Variants in ALDOC observed in about 807,000 individuals in gnomAD.
The protein encoded by ALDOC is aldolase, fructose-bisphosphate C, also known as fructose-bisphosphate aldolase C.
In ALDOC, 23 loss-of-function variants were observed where a neutral mutation model predicts 39.5. The ratio of observed to expected loss-of-function variants is 0.58; its 90% CI spans 0.42 to 0.82. The LOEUF is 0.82. Ranked by LOEUF, ALDOC falls within the 40% of genes least tolerant of loss-of-function variation. The probability of loss-of-function intolerance (pLI) is 0.00; values close to 1 mark genes in which losing one functional copy is unlikely to be tolerated. For synonymous variants in ALDOC, 160 were observed against 182.6 expected (o/e 0.88, Z 1.00); for missense variants, 356 against 479.1 (o/e 0.74, Z 2.40).
At chr17:28,574,334 G>A in intron 6 of ALDOC, 93 bp from the exon 7 acceptor site, 1 of 1,454,408 alleles carries the variant, frequency 6.9e-7, no homozygotes, top group East Asian at 2.3e-5. Flanking sequence ...GGCACAGACT[G>A]TGAGGGCTCA....
At chr17:28,576,536 G>A (rs1449352255) in intron 1 of ALDOC, 1 of 151,478 alleles carries the variant, frequency 6.6e-6, no homozygotes, top group Non-Finnish European at 1.5e-5. Context: ...GCTCTGGGTA[G>A]GAGAGACAGA....
chr17:28,575,758 T>G lies in ALDOC; in HGVS notation c.-12-214A>C. 3 of 676,170 alleles carry G rather than the reference T, an allele frequency of 4.4e-6. No individual in the cohort carries two copies. Among genetic ancestry groups the G allele is most frequent in the East Asian group, 3.3e-5 (1 of 30,762 alleles). The allele number at this position is 676,170 out of a possible 1,614,324, so 41.9% of individuals were successfully genotyped here. On this transcript the variant is annotated intron_variant, in intron 1 of 8. Coordinates refer to ENST00000226253, the MANE Select transcript of ALDOC (RefSeq NM_005165.3). The surrounding 1 kb of genome is among the most constrained non-coding windows in gnomAD (Gnocchi z 4.3). ...CTCCTTTTGTCCCTGGTAGGCATCC[T>G]TCCCAGCCCTGGGGAAAGATGCAGG...
At position 28,575,469 on chromosome 17, in the gene ALDOC, G is replaced by T. The variant is rs140001292; in HGVS notation, c.64C>A (p.Arg22=). The part of the protein sequence containing the change: ...QKKELSDIAL[R]IVAPGKGILA... ...ATGCCTTTGCCCGGGGCTACAATCC[G>T]CAGGGCAATGTCAGACAACTCCTTC... is the stretch of plus-strand genomic sequence containing the variant. Residue 22 remains arginine (R), a synonymous_variant, in exon 2 of 9, where the codon CGG becomes AGG. Transcript: ENST00000226253. This position sits in a 1 kb window ranked among gnomAD's most constrained non-coding sequence, Gnocchi z 4.3. The T allele has an allele frequency of 5.0e-6, 8 of 1,614,228 alleles. No individual in the cohort carries two copies. The highest frequency in any genetic ancestry group is 2.7e-5 in the African/African-American group (2 of 75,056).
rs1434551135 is a variant in ALDOC, at chr17:28,575,842, C to G, written c.-12-298G>C. 1.7e-6 allele frequency: 1 copy of G among 579,854 alleles called. No individual in the cohort carries two copies. The highest frequency in any genetic ancestry group is 2.5e-6 in the Non-Finnish European group (1 of 394,056). 35.9% of individuals were successfully genotyped at this position (579,854 alleles called of 1,614,324 possible). On this transcript the variant is annotated intron_variant, in intron 1 of 8. Coordinates refer to ENST00000226253, the MANE Select transcript of ALDOC (RefSeq NM_005165.3). This position sits in a 1 kb window ranked among gnomAD's most constrained non-coding sequence, Gnocchi z 4.3. ...CAGCTCTTCTGATAAATCTGCTGCC[C>G]AATCAAGGATGCCAACCCTTCTTTC...
chr17:28,575,727 C>A lies in ALDOC; in HGVS notation c.-12-183G>T. On this transcript the variant is annotated intron_variant, in intron 1 of 8. Coordinates refer to ENST00000226253, the MANE Select transcript of ALDOC (RefSeq NM_005165.3). This position sits in a 1 kb window ranked among gnomAD's most constrained non-coding sequence, Gnocchi z 4.3. Reference sequence around the variant, plus strand: ...GCTAGCAAGCTTAGGGCTCCAGTTCCCACATCTCCTTTTGTCCCTGGTAGG... The same window carrying A: ...GCTAGCAAGCTTAGGGCTCCAGTTCACACATCTCCTTTTGTCCCTGGTAGG... 1.3e-6 allele frequency: 1 copy of A among 782,960 alleles called. No homozygotes were observed. Among genetic ancestry groups the A allele is most frequent in the Non-Finnish European group, 2.0e-6 (1 of 509,966 alleles). The allele number at this position is 782,960 out of a possible 1,614,324, so 48.5% of individuals were successfully genotyped here.
At position 28,575,764 on chromosome 17, in the gene ALDOC, G is replaced by A; in HGVS notation, c.-12-220C>T. 1.5e-6 allele frequency: 1 copy of A among 679,026 alleles called. No homozygotes were observed. Among genetic ancestry groups the A allele is most frequent in the African/African-American group, 1.8e-5 (1 of 55,290 alleles). 42.1% of individuals were successfully genotyped at this position (679,026 alleles called of 1,614,324 possible). ...TTGTCCCTGGTAGGCATCCTTCCCA[G>A]CCCTGGGGAAAGATGCAGGGTGGGG... On this transcript the variant is annotated intron_variant, in intron 1 of 8. Coordinates refer to ENST00000226253, the MANE Select transcript of ALDOC (RefSeq NM_005165.3). This position sits in a 1 kb window ranked among gnomAD's most constrained non-coding sequence, Gnocchi z 4.3.
Position 28,574,579 on chromosome 17 carries a change from T to A in ALDOC, c.541-2A>T. 1 of 1,614,140 alleles carries A rather than the reference T, an allele frequency of 6.2e-7. No homozygotes were observed. Among genetic ancestry groups the A allele is most frequent in the Non-Finnish European group, 8.5e-7 (1 of 1,180,000 alleles). ...TTCCACAATAGGCACAATGCCATTC[T>A]GCAGGCAAGAGCAGAGATGCTTGGG... is the stretch of plus-strand genomic sequence containing the variant. On this transcript the variant is annotated splice_acceptor_variant, in intron 5 of 8. Transcript: ENST00000226253. LOFTEE classifies it high-confidence loss of function.
Position 28,573,855 on chromosome 17 carries a change from G to A in ALDOC, c.879C>T (p.Pro293=), listed in dbSNP as rs2070455816. 1.2e-6 allele frequency: 2 copies of A among 1,614,118 alleles called. No homozygotes were observed. The highest frequency in any genetic ancestry group is 1.1e-5 in the South Asian group (1 of 91,090). Residue 293 remains proline, a synonymous_variant, in exon 8 of 9, where the codon CCC becomes CCT. Transcript: ENST00000226253. This position sits in a 1 kb window ranked among gnomAD's most constrained non-coding sequence, Gnocchi z 4.3. ...AGGAGAAGGTAAGCGCCCAGGGTCG[G>A]GGAAGGGGGCAGCGGTTGATGGCAT... ...NLNAINRCPL[P]RPWALTFSYG...
At position 28,574,121 on chromosome 17, in the gene ALDOC, TCTC is replaced by T; in HGVS notation, c.742_744del (p.Glu248del). 1 of 1,608,494 alleles carries T rather than the reference TCTC, an allele frequency of 6.2e-7. No homozygotes were observed. The highest frequency in any genetic ancestry group is 8.5e-7 in the Non-Finnish European group (1 of 1,177,182). On this transcript the variant is annotated inframe_deletion, in exon 7 of 9. Transcript: ENST00000226253. ...AGGGCAGTGACAGTTGCCATGGCAA[TCTC>T]CTCTGGGGTATACTTGATGGGACAG... is the stretch of plus-strand genomic sequence containing the variant.
chr17:28,576,631 CAGAAG>C (rs1350111986), intron 1 of ALDOC, among the ~76,000 whole-genome samples, 165 bp downstream of exon 1: 1 of 150,966 alleles, frequency 6.6e-6, no homozygotes, highest in Non-Finnish European at 1.5e-5. Flanking sequence ...AGGGATAGAA[CAGAAG>C]AGGTTGAGCC....
Position 28,574,158 on chromosome 17 carries a change from C to G in ALDOC, c.708G>C (p.Pro236=). ...TATACTTGATGGGACAGGCATGGCC[C>G]GGGGTCACCATGTTGGGCTTGAGCA... ...GTLLKPNMVT[P]GHACPIKYTP... Residue 236 remains proline, a synonymous_variant, in exon 7 of 9, where the codon CCG becomes CCC. Coordinates refer to ENST00000226253, the MANE Select transcript of ALDOC (RefSeq NM_005165.3). The G allele has an allele frequency of 1.2e-6, 2 of 1,612,154 alleles. No individual in the cohort carries two copies. The highest frequency in any genetic ancestry group is 1.7e-6 in the Non-Finnish European group (2 of 1,178,994).
intron 1 of ALDOC, 71 bp downstream of exon 1, chr17:28,576,730 G>C: frequency 1.1e-6 from 1 of 946,824 alleles, no homozygotes; most frequent in Non-Finnish European, 1.3e-6. Context: ...GTAGCAGGAC[G>C]AGGATGGCAG....
chr17:28,573,800 T>C lies in ALDOC; in HGVS notation c.934A>G (p.Asn312Asp). The change falls in exon 8 of 9, where the codon AAT (asparagine) becomes GAT (aspartate). Residue 312 changes from asparagine to aspartate, a missense_variant. By Grantham distance (23) the Asn-to-Asp change is conservative. Transcript: ENST00000226253. This position sits in a 1 kb window ranked among gnomAD's most constrained non-coding sequence, Gnocchi z 4.3. ...TTGTCCCGTTGCCCTCGCCAGGCAT[T>C]GAGTGCAGAGGCTTGCAGGGCACGC... Reference protein sequence around the residue: ...YGRALQASALNAWRGQRDNAG... With the variant: ...YGRALQASALDAWRGQRDNAG... 1 of 1,614,152 alleles carries C rather than the reference T, an allele frequency of 6.2e-7. No homozygotes were observed. The highest frequency in any genetic ancestry group is 8.5e-7 in the Non-Finnish European group (1 of 1,180,016).
chr17:28,574,920 C>G, intron 4 of ALDOC, 32 bp downstream of exon 4: 1 of 1,614,196 alleles, frequency 6.2e-7, no homozygotes, highest in Non-Finnish European at 8.5e-7. Flanking sequence ...TATCTAACAC[C>G]TCTTTGGTCC....
chr17:28,573,973 C>T lies in ALDOC; in HGVS notation c.800-39G>A, dbSNP rs2070457369. 8 of 1,612,608 alleles carry T rather than the reference C, an allele frequency of 5.0e-6. No homozygotes were observed. In the East Asian group the frequency reaches 1.6e-4, roughly 31 times the overall value. ...GAGAAGACAAACTGACTGGTCACTC[C>T]CAATTTTTCCAGGATAGGGAACCCC... On this transcript the variant is annotated intron_variant, in intron 7 of 8. Coordinates refer to ENST00000226253, the MANE Select transcript of ALDOC (RefSeq NM_005165.3). This position sits in a 1 kb window ranked among gnomAD's most constrained non-coding sequence, Gnocchi z 4.3.
At position 28,575,685 on chromosome 17, in the gene ALDOC, C is replaced by T. The variant is rs966342091; in HGVS notation, c.-12-141G>A. The stretch of plus-strand genomic sequence containing the variant: ...GGCATGAGTCCTGGGCATCAAGTGG[C>T]ACCAGTCCTTCTGACAGCTAGCAAG... On this transcript the variant is annotated intron_variant, in intron 1 of 8. Transcript: ENST00000226253. This position sits in a 1 kb window ranked among gnomAD's most constrained non-coding sequence, Gnocchi z 4.3. The T allele has an allele frequency of 1.9e-6, 2 of 1,051,556 alleles. No homozygotes were observed. The highest frequency in any genetic ancestry group is 2.7e-6 in the Non-Finnish European group (2 of 749,462). 65.1% of individuals were successfully genotyped at this position (1,051,556 alleles called of 1,614,324 possible). A position where few individuals can be genotyped will look rare whatever the true frequency, so the allele number is the denominator to read the frequency against.
rs755540141 is a variant in ALDOC at position 28,575,219 on chromosome 17, G to A, written c.228C>T (p.Gly76=). The A allele has an allele frequency of 3.1e-6, 5 of 1,614,114 alleles. No individual in the cohort carries two copies. Among genetic ancestry groups the A allele is most frequent in the African/African-American group, 1.3e-5 (1 of 75,040 alleles). ...ADDRVKKCIG[G]VIFFHETLYQ... The stretch of plus-strand genomic sequence containing the variant: ...AGAGGGTCTCATGGAAGAAAATGAC[G>A]CCTCCAATGCACTTTTTCACACGGT... Residue 76 remains glycine, a synonymous_variant, in exon 3 of 9, where the codon GGC becomes GGT. Coordinates refer to ENST00000226253, the MANE Select transcript of ALDOC (RefSeq NM_005165.3). The surrounding 1 kb of genome is among the most constrained non-coding windows in gnomAD (Gnocchi z 4.3).
chr17:28,575,769 G>A lies in ALDOC; in HGVS notation c.-12-225C>T, dbSNP rs1324532539. 3.6e-5 allele frequency: 24 copies of A among 664,276 alleles called. No homozygotes were observed. Among genetic ancestry groups the A allele is most frequent in the Non-Finnish European group, 4.8e-6 (2 of 415,868 alleles). 41.1% of individuals were successfully genotyped at this position (664,276 alleles called of 1,614,324 possible). A position where few individuals can be genotyped will look rare whatever the true frequency, so the allele number is the denominator to read the frequency against. The stretch of plus-strand genomic sequence containing the variant: ...CCTGGTAGGCATCCTTCCCAGCCCT[G>A]GGGAAAGATGCAGGGTGGGGGTGGG... On this transcript the variant is annotated intron_variant, in intron 1 of 8. Transcript: ENST00000226253. This position sits in a 1 kb window ranked among gnomAD's most constrained non-coding sequence, Gnocchi z 4.3.
At chr17:28,574,631 C>A in intron 5 of ALDOC, 54 bp from the exon 6 acceptor site, 1 of 1,613,598 alleles carries the variant, frequency 6.2e-7, no homozygotes. Flanking sequence ...ATGAAGAAAG[C>A]CTTGTGACTC....
Sources: allele counts gnomAD v4.1 joint callset (sites outside exome capture counted in the v4.1 genomes callset), GRCh38; gene constraint gnomAD v4.1.1; non-coding constraint Gnocchi (gnomAD v3.1); transcripts MANE v1.5; gene names NCBI Gene and HGNC (gene_info 2026-07-23, HGNC 2026-07-21).